Variants in FIG4 observed in about 807,000 individuals in gnomAD.
The protein encoded by FIG4 is polyphosphoinositide phosphatase.
Under a neutral mutation model 118.6 loss-of-function variants are expected in FIG4, and 112 were observed. That is an observed-to-expected ratio of 0.94 (90% CI 0.81 to 1.11). The LOEUF (loss-of-function observed/expected upper bound fraction) is 1.11. FIG4 is among the 50% of genes least tolerant of loss of function. The pLI is 0.00. For missense variants in FIG4, 969 were observed against 1,111.7 expected (o/e 0.87, Z 1.83); for synonymous variants, 369 against 381.2 (o/e 0.97, Z 0.37).
intron 22 of FIG4, among the ~76,000 whole-genome samples, chr6:109,820,996 T>A (rs572924712): frequency 1.3e-5 from 2 of 152,150 alleles, no homozygotes; most frequent in East Asian, 1.9e-4. Flanking sequence ...CCAGAAATCA[T>A]TGAAGCTGAA....
chr6:109,795,750 T>C (rs1215163536), intron 21 of FIG4, among the ~76,000 whole-genome samples: 4 of 151,896 alleles, frequency 2.6e-5, no homozygotes, highest in Non-Finnish European at 5.9e-5. Flanking sequence ...TACAGGTGCA[T>C]GCCACCATGC....
chr6:109,763,827 G>A, intron 12 of FIG4, 110 bp from the exon 13 acceptor site: 3 of 774,240 alleles, frequency 3.9e-6, no homozygotes, highest in Non-Finnish European at 6.8e-6. Flanking sequence ...TTTTTCAGGA[G>A]CCTTCAGCTC....
chr6:109,699,484 G>GT (rs1223621877), intron 1 of FIG4, among the ~76,000 whole-genome samples: 31 of 146,648 alleles, frequency 2.1e-4, no homozygotes, highest in East Asian at 4.0e-4. Flanking sequence ...CTCATACGCG[G>GT]TTTTTTTTTG....
chr6:109,752,803 G>C (rs1158980582), intron 10 of FIG4, among the ~76,000 whole-genome samples: 1 of 152,190 alleles, frequency 6.6e-6, no homozygotes, highest in Non-Finnish European at 1.5e-5. Flanking sequence ...TGTTCACTCT[G>C]ATGGTAGTTT....
At chr6:109,818,520 A>G (rs1429847155) in intron 22 of FIG4, among the ~76,000 whole-genome samples, 1 of 152,164 alleles carries the variant, frequency 6.6e-6, no homozygotes, top group Non-Finnish European at 1.5e-5. Context: ...TTTATTACAG[A>G]ATATTGTCAT....
intron 18 of FIG4, among the ~76,000 whole-genome samples, chr6:109,788,528 G>A (rs1562685011): frequency 6.6e-6 from 1 of 152,164 alleles, no homozygotes; most frequent in East Asian, 1.9e-4. Context: ...CATAAGCAAG[G>A]GATTCAAAGT....
chr6:109,745,586 G>A (rs1776468445), intron 10 of FIG4, among the ~76,000 whole-genome samples: 1 of 151,994 alleles, frequency 6.6e-6, no homozygotes, highest in African/African-American at 2.4e-5. Context: ...CCATTCTATA[G>A]GTTGCCTGTT....
At chr6:109,796,646 T>C (rs1256149343) in intron 21 of FIG4, 119 bp from the exon 22 acceptor site, 2 of 764,506 alleles carry the variant, frequency 2.6e-6, no homozygotes, top group Non-Finnish European at 4.8e-6. Flanking sequence ...TACTCTTAGG[T>C]GTTTTTCTGA....
rs762799112 is a variant in FIG4 at position 109,776,948 on chromosome 6, C to T, written c.1777C>T (p.Leu593Phe). 6.2e-7 allele frequency: 1 copy of T among 1,613,526 alleles called. No homozygotes were observed. The highest frequency in any genetic ancestry group is 1.1e-5 in the South Asian group (1 of 91,062). ...SDADRQDSIN[L>F]FLGVFHPTEG... ...TGCCGATAGACAAGATTCCATTAATCTCTTCCTGGGAGTTTTCCATCCCAC... is the reference window on the plus strand; with the variant it reads ...TGCCGATAGACAAGATTCCATTAATTTCTTCCTGGGAGTTTTCCATCCCAC... Residue 593 changes from leucine (L) to phenylalanine (F), a missense_variant, in exon 16 of 23, where the codon CTC (leucine) becomes TTC (phenylalanine). Physicochemically the swap from Leu to Phe is conservative, Grantham distance 22. Transcript: ENST00000230124.
chr6:109,778,507 A>G (rs1777688170), intron 16 of FIG4, among the ~76,000 whole-genome samples: 1 of 151,288 alleles, frequency 6.6e-6, no homozygotes, highest in Non-Finnish European at 1.5e-5. Context: ...ACACTACAGG[A>G]ATCATTGCCA....
Position 109,822,783 on chromosome 6 carries a change from GTATGTATATATATATA to G in FIG4, c.2547-2301_2547-2286del, listed in dbSNP as rs372911260. Among the ~76,000 whole-genome samples, 18 of 120,668 alleles carry G rather than the reference GTATGTATATATATATA, an allele frequency of 1.5e-4. 1 individual carries two copies. In the South Asian group the frequency reaches 1.9e-3, roughly 13 times the overall value. 79.2% of individuals were successfully genotyped at this position (120,668 alleles called of 152,430 possible). ...GAAGTGTATATATATGTGTGTGTGT[GTATGTATATATATATA>G]TATATATATATATATATATATATAT... On this transcript the variant is annotated intron_variant, in intron 22 of 22. Coordinates refer to ENST00000230124, the MANE Select transcript of FIG4 (RefSeq NM_014845.6).
At chr6:109,781,261 A>G (rs1777792997) in intron 16 of FIG4, among the ~76,000 whole-genome samples, 1 of 152,178 alleles carries the variant, frequency 6.6e-6, no homozygotes. Context: ...CATCCACTTG[A>G]TAATCTTTTA....
chr6:109,760,635 G>T (rs1389989535), intron 11 of FIG4, among the ~76,000 whole-genome samples: 1 of 151,982 alleles, frequency 6.6e-6, no homozygotes, highest in Non-Finnish European at 1.5e-5. Context: ...TTCCTTAAAG[G>T]CATTAGTTTT....
chr6:109,724,673 C>T (rs1775736178), intron 3 of FIG4, among the ~76,000 whole-genome samples: 1 of 152,028 alleles, frequency 6.6e-6, no homozygotes, highest in Admixed American at 6.6e-5. Context: ...AATGGAGAGC[C>T]AAATGTGGGG....
intron 22 of FIG4, among the ~76,000 whole-genome samples, chr6:109,817,799 C>G (rs1437031545): frequency 6.6e-6 from 1 of 152,088 alleles, no homozygotes; most frequent in Admixed American, 6.5e-5. Flanking sequence ...TGGGAGCTTG[C>G]TCCTGGTTAA....
intron 10 of FIG4, among the ~76,000 whole-genome samples, chr6:109,749,442 G>A (rs1188712250): frequency 6.6e-6 from 1 of 151,854 alleles, no homozygotes; most frequent in Non-Finnish European, 1.5e-5. Flanking sequence ...AAATGCTCAT[G>A]GACAGTTTTC....
At chr6:109,751,949 T>C (rs1254109520) in intron 10 of FIG4, among the ~76,000 whole-genome samples, 1 of 149,962 alleles carries the variant, frequency 6.7e-6, no homozygotes, top group Admixed American at 6.6e-5. Context: ...TAACTCGTCG[T>C]TTAGCATTAG....
Position 109,756,937 on chromosome 6 carries a change from G to A in FIG4, c.1138-3313G>A, listed in dbSNP as rs149452837. Among the ~76,000 whole-genome samples the A allele has an allele frequency of 5.3e-5, 8 of 152,160 alleles. No homozygotes were observed. The East Asian group carries it at 1.2e-3, about 22-fold the overall frequency. On this transcript the variant is annotated intron_variant, in intron 10 of 22. Coordinates refer to ENST00000230124, the MANE Select transcript of FIG4 (RefSeq NM_014845.6). ...GTCTGAAGCTTTCCTTTCTCAACTC[G>A]TCAAAGTCATTCTCCGTCCAGCTTT... is the stretch of plus-strand genomic sequence containing the variant.
intron 14 of FIG4, among the ~76,000 whole-genome samples, chr6:109,766,101 G>T (rs185073707): frequency 1.3e-5 from 2 of 152,334 alleles, no homozygotes; most frequent in East Asian, 3.9e-4. Flanking sequence ...GAGTAGAGCT[G>T]AGAGGAACCG....
Sources: gnomAD v4.1 joint callset for allele counts (sites outside exome capture counted in the v4.1 genomes callset) on GRCh38, gnomAD v4.1.1 for gene constraint, MANE v1.5 for transcripts, NCBI Gene and HGNC (gene_info 2026-07-23, HGNC 2026-07-21) for gene names.